The following LRRC1 variants were observed in gnomAD, a reference collection of about 807,000 sequenced individuals.
The protein encoded by LRRC1 is leucine rich repeat containing 1, also known as leucine-rich repeat-containing protein 1.
LRRC1 carries 28 observed loss-of-function variants against 69.9 expected under a neutral mutation model. The observed-to-expected ratio is 0.40, with a 90% CI of 0.30 to 0.55. The LOEUF (loss-of-function observed/expected upper bound fraction) is 0.55, where lower values mean the gene tolerates loss of function less well. Among genes scored for constraint, LRRC1 ranks in the 20% least tolerant of loss-of-function variants. The probability of loss-of-function intolerance (pLI) is 0.47; values close to 1 mark genes in which losing one functional copy is unlikely to be tolerated. For synonymous variants in LRRC1, 236 were observed against 240.2 expected (o/e 0.98, Z 0.16); for missense variants, 498 against 609.0 (o/e 0.82, Z 1.92).
intron 1 of LRRC1, among the ~76,000 whole-genome samples, chr6:53,799,844 T>C (rs778452431): frequency 1.3e-5 from 2 of 152,222 alleles, no homozygotes; most frequent in East Asian, 3.9e-4. Flanking sequence ...AGGACTTACC[T>C]CTGATCCTTC....
Position 53,919,649 on chromosome 6 carries a change from C to T in LRRC1, c.1258C>T (p.Pro420Ser), listed in dbSNP as rs1387015410. The T allele has an allele frequency of 2.5e-6, 4 of 1,611,530 alleles. No individual in the cohort carries two copies. The highest frequency in any genetic ancestry group is 1.7e-6 in the Non-Finnish European group (2 of 1,179,386). The stretch of plus-strand genomic sequence containing the variant: ...AACCTGTGTCTTACTTCCTCAGCTG[C>T]CTTCTGAACCTACTTGTCAAGGTGA... ...ILTCVLLPQLPSEPTCQENLP... is the reference protein window; with the variant it reads ...ILTCVLLPQLSSEPTCQENLP... The change falls in exon 12 of 14, where the codon CCT (proline) becomes TCT (serine). Residue 420 changes from proline to serine, a missense_variant. This residue lies in a region of LRRC1 where 162 missense variants were observed against 162.9 expected (regional missense o/e 0.99). Transcript: ENST00000370888.
chr6:53,795,083 C>T lies in LRRC1; in HGVS notation c.-174C>T. On this transcript the variant is annotated 5_prime_UTR_variant, in exon 1 of 14. Transcript: ENST00000370888. ...CAGGGACGGGGCAGGGGCTCCCGCT[C>T]CAGGTTCCTTGAAGCACTTCCGACC... 3.5e-6 allele frequency: 2 copies of T among 578,394 alleles called. No individual in the cohort carries two copies. The highest frequency in any genetic ancestry group is 4.7e-4 in the Middle Eastern group (1 of 2,138). 35.8% of individuals were successfully genotyped at this position (578,394 alleles called of 1,614,324 possible). A position where few individuals can be genotyped will look rare whatever the true frequency, so the allele number is the denominator to read the frequency against.
At chr6:53,870,241 G>T (rs1766837887) in intron 2 of LRRC1, among the ~76,000 whole-genome samples, 1 of 152,108 alleles carries the variant, frequency 6.6e-6, no homozygotes. Flanking sequence ...CCATTCATGT[G>T]ATTTCTCGGT....
intron 2 of LRRC1, among the ~76,000 whole-genome samples, chr6:53,870,555 T>G (rs1382463814): frequency 1.3e-5 from 2 of 152,236 alleles, no homozygotes; most frequent in African/African-American, 2.4e-5. Context: ...TGCAGTGTTT[T>G]TGATACATTT....
rs934846519 is a variant in LRRC1, at chr6:53,797,178, C to T, written c.159+1763C>T. Among the ~76,000 whole-genome samples the T allele has an allele frequency of 1.3e-4, 20 of 151,812 alleles. 1 individual carries two copies. In the South Asian group the frequency reaches 2.7e-3, roughly 21 times the overall value. On this transcript the variant is annotated intron_variant, in intron 1 of 13. Coordinates refer to ENST00000370888, the MANE Select transcript of LRRC1 (RefSeq NM_018214.5). ...AATTACATAATTTCCCATGCCAAGC[C>T]GAAATGTCAGGTCTTTCTGTGATCC...
chr6:53,889,535 A>C (rs1228819331), intron 4 of LRRC1, among the ~76,000 whole-genome samples: 1 of 151,938 alleles, frequency 6.6e-6, no homozygotes, highest in East Asian at 1.9e-4. Context: ...TAAAAGAACC[A>C]GACACAAACA....
At chr6:53,841,847 GCT>G (rs1403021491) in intron 1 of LRRC1, among the ~76,000 whole-genome samples, 1 of 152,034 alleles carries the variant, frequency 6.6e-6, no homozygotes, top group African/African-American at 2.4e-5. Context: ...TCTTTAAGTT[GCT>G]CATTAATTTT....
At chr6:53,843,254 T>C (rs1369016408) in intron 2 of LRRC1, among the ~76,000 whole-genome samples, 1 of 152,228 alleles carries the variant, frequency 6.6e-6, no homozygotes, top group Non-Finnish European at 1.5e-5. Context: ...AATCTATAGG[T>C]TTCTTCTGAA....
At chr6:53,857,550 G>C (rs1766351271) in intron 2 of LRRC1, among the ~76,000 whole-genome samples, 1 of 152,204 alleles carries the variant, frequency 6.6e-6, no homozygotes, top group African/African-American at 2.4e-5. Flanking sequence ...TTGAGTAAGA[G>C]ACTGGGAAGC....
chr6:53,902,049 G>A (rs1364518900), intron 8 of LRRC1, among the ~76,000 whole-genome samples: 1 of 152,122 alleles, frequency 6.6e-6, no homozygotes, highest in Non-Finnish European at 1.5e-5. Context: ...TGGCTAGTGG[G>A]GACTCTGAGG....
chr6:53,917,966 A>G (rs991028423), intron 11 of LRRC1, among the ~76,000 whole-genome samples: 2 of 152,238 alleles, frequency 1.3e-5, no homozygotes, highest in African/African-American at 4.8e-5. Context: ...ATTTTTGTAT[A>G]AGCACAAGGT....
chr6:53,834,941 G>A (rs1190255867), intron 1 of LRRC1, among the ~76,000 whole-genome samples: 3 of 152,144 alleles, frequency 2.0e-5, no homozygotes, highest in African/African-American at 7.2e-5. Context: ...CAGCCTGGGC[G>A]ACAGAGCGAG....
intron 1 of LRRC1, among the ~76,000 whole-genome samples, chr6:53,815,756 A>G (rs1015258829): frequency 1.3e-5 from 2 of 152,230 alleles, no homozygotes; most frequent in Non-Finnish European, 2.9e-5. Flanking sequence ...TTCACTGTAC[A>G]CAGATAGTCA....
intron 1 of LRRC1, among the ~76,000 whole-genome samples, chr6:53,795,650 G>C (rs1209100180): frequency 6.6e-6 from 1 of 152,144 alleles, no homozygotes; most frequent in Admixed American, 6.5e-5. Context: ...ACTGGGGCTC[G>C]TGCTATTGGA....
At chr6:53,825,150 C>G (rs1765221873) in intron 1 of LRRC1, among the ~76,000 whole-genome samples, 1 of 152,134 alleles carries the variant, frequency 6.6e-6, no homozygotes, top group Non-Finnish European at 1.5e-5. Flanking sequence ...GCCGGTAAAC[C>G]ATGCATGGGG....
chr6:53,822,644 G>A (rs938218320), intron 1 of LRRC1, among the ~76,000 whole-genome samples: 2 of 152,160 alleles, frequency 1.3e-5, no homozygotes, highest in African/African-American at 2.4e-5. Context: ...ACTGGTTCAC[G>A]CAGGATTACC....
chr6:53,857,908 G>C (rs924436975), intron 2 of LRRC1, among the ~76,000 whole-genome samples: 1 of 152,236 alleles, frequency 6.6e-6, no homozygotes, highest in African/African-American at 2.4e-5. Context: ...AATTATTCTG[G>C]TGGTATGTGT....
intron 12 of LRRC1, 195 bp from the exon 13 acceptor site, chr6:53,920,430 G>A (rs1045123069): frequency 2.3e-5 from 12 of 523,312 alleles, no homozygotes; most frequent in Non-Finnish European, 4.0e-5. Flanking sequence ...CTTGTCCCAG[G>A]CCTTTTTCTT....
At chr6:53,849,214 G>C (rs767387736) in intron 2 of LRRC1, among the ~76,000 whole-genome samples, 3 of 151,964 alleles carry the variant, frequency 2.0e-5, no homozygotes, top group Non-Finnish European at 4.4e-5. Context: ...CCTTATCTTC[G>C]TACTCCATCC....
Sources: allele counts gnomAD v4.1 joint callset (sites outside exome capture counted in the v4.1 genomes callset), GRCh38; gene constraint gnomAD v4.1.1; regional missense constraint gnomAD v4.1.1; transcripts MANE v1.5; gene names NCBI Gene and HGNC (gene_info 2026-07-23, HGNC 2026-07-21).